TNN: variants seen among roughly 807,000 people sequenced by gnomAD.
TNN encodes tenascin N, also known as tenascin-N.
In TNN, 122 loss-of-function variants were observed where a neutral mutation model predicts 134.4. That is an observed-to-expected ratio of 0.91 (90% CI 0.78 to 1.06). The LOEUF is 1.06. Ranked by LOEUF, TNN falls within the 50% of genes least tolerant of loss-of-function variation. The pLI, the probability that TNN is intolerant of heterozygous loss-of-function variation, is 0.00. For missense variants in TNN, 1,739 were observed against 1,699.4 expected (o/e 1.02, Z -0.41); for synonymous variants, 710 against 670.3 (o/e 1.06, Z -0.91).
chr1:175,095,944 A>G (rs1303451610), intron 7 of TNN, among the ~76,000 whole-genome samples: 3 of 152,244 alleles, frequency 2.0e-5, no homozygotes, highest in African/African-American at 7.2e-5. Flanking sequence ...TGGTGTGAGC[A>G]GCAGGGAGCC....
At chr1:175,087,855 C>T (rs1300341329) in intron 6 of TNN, among the ~76,000 whole-genome samples, 1 of 152,248 alleles carries the variant, frequency 6.6e-6, no homozygotes, top group African/African-American at 2.4e-5. Context: ...TATGACTCCC[C>T]TCCTTGAGTT....
intron 9 of TNN, among the ~76,000 whole-genome samples, chr1:175,109,526 A>G (rs576352640): frequency 7.9e-5 from 12 of 152,068 alleles, no homozygotes; most frequent in Non-Finnish European, 1.8e-4. Flanking sequence ...ATGAGTAAGA[A>G]CATGCAATGT....
At position 175,077,520 on chromosome 1, in the gene TNN, C is replaced by G; in HGVS notation, c.102C>G (p.Ser34Arg). 3.7e-6 allele frequency: 6 copies of G among 1,614,082 alleles called. No individual in the cohort carries two copies. The highest frequency in any genetic ancestry group is 5.1e-6 in the Non-Finnish European group (6 of 1,180,038). ...APATLEPPGC[S>R]NKEQQVTVSH... is the part of the protein sequence containing the mutation. Reference sequence around the variant, plus strand: ...CCACTCTGGAGCCTCCCGGCTGCAGCAACAAGGAGCAACAGGTCACTGTCA... The same window carrying G: ...CCACTCTGGAGCCTCCCGGCTGCAGGAACAAGGAGCAACAGGTCACTGTCA... The change falls in exon 2 of 19, where the codon AGC becomes AGG. Residue 34 changes from serine (S) to arginine (R), a missense_variant. Transcript: ENST00000239462.
In TNN at chr1:175,080,288, G is replaced by A; in HGVS notation, c.910G>A (p.Gly304Arg). 1 of 1,614,074 alleles carries A rather than the reference G, an allele frequency of 6.2e-7. No individual in the cohort carries two copies. Among genetic ancestry groups the A allele is most frequent in the Non-Finnish European group, 8.5e-7 (1 of 1,179,994 alleles). The change falls in exon 4 of 19, where the codon GGG (glycine) becomes AGG (arginine). Residue 304 changes from glycine (G) to arginine (R), a missense_variant. Physicochemically the swap from Gly to Arg is moderately radical, Grantham distance 125 (BLOSUM62 -2). Coordinates refer to ENST00000239462, the MANE Select transcript of TNN (RefSeq NM_022093.2). The part of the protein sequence containing the change: ...SYYPLGKELS[G>R]KQIQVPKEQH... ...CTACCCCCTGGGGAAGGAGCTCTCTGGGAAGCAGATCCAAGTGCCCAAGGA... is the reference window on the plus strand; with the variant it reads ...CTACCCCCTGGGGAAGGAGCTCTCTAGGAAGCAGATCCAAGTGCCCAAGGA...
chr1:175,126,168 C>T (rs1675524790), intron 12 of TNN, among the ~76,000 whole-genome samples: 1 of 143,758 alleles, frequency 7.0e-6, no homozygotes, highest in Admixed American at 7.2e-5. Flanking sequence ...GTGACGTGAT[C>T]TTGGCTTACT....
chr1:175,144,575 C>A, intron 18 of TNN, 25 bp downstream of exon 18: 1 of 1,611,346 alleles, frequency 6.2e-7, no homozygotes, highest in Non-Finnish European at 8.5e-7. Flanking sequence ...AATGTCTTTT[C>A]TGTCCCAGGG....
intron 17 of TNN, among the ~76,000 whole-genome samples, chr1:175,137,330 T>C (rs529188696): frequency 6.6e-6 from 1 of 151,970 alleles, no homozygotes; most frequent in African/African-American, 2.4e-5. Flanking sequence ...CATTCGGCTT[T>C]AGCAGTGTGG....
chr1:175,070,467 T>C (rs12065394), intron 1 of TNN, among the ~76,000 whole-genome samples: 25,693 of 152,026 alleles, frequency 0.17, 2,247 homozygotes, highest in Non-Finnish European at 0.19. Context: ...TCTAGCACGG[T>C]GGTGTGAGAG....
At chr1:175,119,735 T>C (rs192933750) in intron 11 of TNN, among the ~76,000 whole-genome samples, 7 of 151,098 alleles carry the variant, frequency 4.6e-5, no homozygotes, top group Non-Finnish European at 7.4e-5. Context: ...CCCGGGTTCA[T>C]GCCATTCTCC....
chr1:175,133,045 G>A (rs1675712910), intron 15 of TNN, among the ~76,000 whole-genome samples: 1 of 152,216 alleles, frequency 6.6e-6, no homozygotes, highest in Admixed American at 6.5e-5. Context: ...CTGAATGAAT[G>A]CAAAGAAAAA....
At chr1:175,123,316 T>C in intron 11 of TNN, 84 bp from the exon 12 acceptor site, 2 of 1,454,064 alleles carry the variant, frequency 1.4e-6, no homozygotes, top group East Asian at 2.3e-5. Flanking sequence ...GATAACATGA[T>C]GGAGAGCTCC....
rs187714799 is a variant in TNN at position 175,147,217 on chromosome 1, C to T, written c.*146C>T. ...AAGCTTCAAGCCATGGAGGTTCCTTCCCTCTCACCTGCATTTTTGCCCGTC... is the reference window on the plus strand; with the variant it reads ...AAGCTTCAAGCCATGGAGGTTCCTTTCCTCTCACCTGCATTTTTGCCCGTC... On this transcript the variant is annotated 3_prime_UTR_variant, in exon 19 of 19. Transcript: ENST00000239462. 5 of 799,120 alleles carry T rather than the reference C, an allele frequency of 6.3e-6. No homozygotes were observed. In the East Asian group the frequency reaches 1.6e-4, roughly 25 times the overall value. 49.5% of individuals were successfully genotyped at this position (799,120 alleles called of 1,614,324 possible).
At chr1:175,085,313 T>C in intron 5 of TNN, 92 bp from the exon 6 acceptor site, 1 of 807,596 alleles carries the variant, frequency 1.2e-6, no homozygotes, top group East Asian at 2.7e-5. Flanking sequence ...ACCTCTCATC[T>C]TCCCTCACGG....
At chr1:175,139,579 AC>A (rs1393339486) in intron 17 of TNN, among the ~76,000 whole-genome samples, 1 of 150,508 alleles carries the variant, frequency 6.6e-6, no homozygotes, top group Non-Finnish European at 1.5e-5. Flanking sequence ...CTTCTTGAAT[AC>A]GTCCCAAAGG....
At chr1:175,075,388 C>G (rs928648830) in intron 1 of TNN, among the ~76,000 whole-genome samples, 1 of 152,168 alleles carries the variant, frequency 6.6e-6, no homozygotes, top group Non-Finnish European at 1.5e-5. Flanking sequence ...GCCTCCGCCT[C>G]CCGGGTTCCA....
At chr1:175,135,106 A>G (rs1306573201) in intron 15 of TNN, among the ~76,000 whole-genome samples, 1 of 152,122 alleles carries the variant, frequency 6.6e-6, no homozygotes, top group African/African-American at 2.4e-5. Context: ...CAGCTCAGCC[A>G]TGTCCTGGGG....
At chr1:175,123,910 G>A (rs993552234) in intron 12 of TNN, among the ~76,000 whole-genome samples, 8 of 152,102 alleles carry the variant, frequency 5.3e-5, no homozygotes, top group Admixed American at 2.0e-4. Flanking sequence ...CCGGCCCAGC[G>A]CTCAGAATCT....
chr1:175,080,094 G>C, intron 3 of TNN, 69 bp from the exon 4 acceptor site: 1 of 1,582,968 alleles, frequency 6.3e-7, no homozygotes, highest in South Asian at 1.2e-5. Context: ...TAGTGCTCAG[G>C]GAATACTCAC....
rs190583164 is a variant in TNN, at chr1:175,111,594, A to G, written c.2120-5345A>G. Reference sequence around the variant, plus strand: ...TCTATAGATTGCTTTTGGGAGTACAATTTTTTTTACAATATTCTTCCCATT... The same window carrying G: ...TCTATAGATTGCTTTTGGGAGTACAGTTTTTTTTACAATATTCTTCCCATT... On this transcript the variant is annotated intron_variant, in intron 9 of 18. Coordinates refer to ENST00000239462, the MANE Select transcript of TNN (RefSeq NM_022093.2). Among the ~76,000 whole-genome samples, 17 of 150,302 alleles carry G rather than the reference A, an allele frequency of 1.1e-4. No homozygotes were observed. In the East Asian group the frequency reaches 2.4e-3, roughly 21 times the overall value.
Sources: gnomAD v4.1 joint callset for allele counts (sites outside exome capture counted in the v4.1 genomes callset) on GRCh38, gnomAD v4.1.1 for gene constraint, MANE v1.5 for transcripts, NCBI Gene and HGNC (gene_info 2026-07-23, HGNC 2026-07-21) for gene names.